COL4A5: variants seen among roughly 807,000 people sequenced by gnomAD.
The protein encoded by COL4A5 is collagen type IV alpha 5 chain.
A neutral mutation model predicts 130.2 loss-of-function variants in COL4A5; 26 were observed. The ratio of observed to expected loss-of-function variants is 0.20; its 90% CI spans 0.15 to 0.28. The LOEUF (loss-of-function observed/expected upper bound fraction) is 0.28. COL4A5 is among the 10% of genes least tolerant of loss of function. COL4A5 has a pLI of 1.00. For missense variants in COL4A5, 1,131 were observed against 1,344.3 expected (o/e 0.84, Z 2.48); for synonymous variants, 496 against 439.6 (o/e 1.13, Z -1.60).
At chrX:108,485,931 G>A (rs2064940562) in intron 1 of COL4A5, among the ~76,000 whole-genome samples, 1 of 111,311 alleles carries the variant, frequency 9.0e-6, no homozygotes, top group African/African-American at 3.3e-5. Context: ...TTTATTTAAT[G>A]TCCCAGAGCA....
intron 22 of COL4A5, among the ~76,000 whole-genome samples, chrX:108,596,385 C>T (rs2066517754): frequency 8.9e-6 from 1 of 112,221 alleles, no homozygotes; most frequent in African/African-American, 3.2e-5. Context: ...AATGCTGAGC[C>T]TCACTCTCAA....
chrX:108,608,168 C>T (rs1463244088), intron 29 of COL4A5, among the ~76,000 whole-genome samples: 1 of 111,734 alleles, frequency 8.9e-6, no homozygotes, highest in Non-Finnish European at 1.9e-5. Flanking sequence ...ATTTACACTC[C>T]ACCCACAATG....
chrX:108,587,697 C>T (rs1316576304), intron 19 of COL4A5, among the ~76,000 whole-genome samples: 2 of 111,478 alleles, frequency 1.8e-5, no homozygotes, highest in Non-Finnish European at 3.8e-5. Context: ...AACCTCCATA[C>T]TTTTTTTCAT....
intron 44 of COL4A5, among the ~76,000 whole-genome samples, chrX:108,679,742 ATTGT>A (rs200581720): frequency 0.091 from 10,076 of 110,334 alleles, 1,075 homozygotes; most frequent in African/African-American, 0.3. Context: ...AGGGGGGATG[ATTGT>A]TTGAGCCTAG....
intron 1 of COL4A5, among the ~76,000 whole-genome samples, chrX:108,513,629 G>A (rs921240303): frequency 9.0e-6 from 1 of 111,123 alleles, no homozygotes; most frequent in Admixed American, 9.6e-5. Flanking sequence ...TTATATCTTG[G>A]ATACCAGTTT....
intron 47 of COL4A5, among the ~76,000 whole-genome samples, chrX:108,682,701 T>G (rs1313959957): frequency 8.9e-6 from 1 of 112,139 alleles, no homozygotes; most frequent in Non-Finnish European, 1.9e-5. Context: ...TTTTGAGAAG[T>G]GTCTGTTCAT....
chrX:108,680,862 A>C, intron 45 of COL4A5, 23 bp from the exon 46 acceptor site: 1 of 1,206,179 alleles, frequency 8.3e-7, no homozygotes, highest in Non-Finnish European at 1.1e-6. Flanking sequence ...TTTGCCATAA[A>C]ACTGTATGTA....
intron 43 of COL4A5, among the ~76,000 whole-genome samples, chrX:108,676,493 AAC>A (rs2068304866): frequency 8.9e-6 from 1 of 111,999 alleles, no homozygotes; most frequent in South Asian, 3.7e-4. Context: ...AGAAATTAAA[AAC>A]ACAGCAAAAG....
chrX:108,598,735 C>A lies in COL4A5; in HGVS notation c.1813C>A (p.Pro605Thr), dbSNP rs781016371. ...TACTTTTAAGGGTGAAAGAGGTCCCCCTGGGAACCCAGGTTTACCAGGCCT... is the reference window on the plus strand; with the variant it reads ...TACTTTTAAGGGTGAAAGAGGTCCCACTGGGAACCCAGGTTTACCAGGCCT... Reference protein sequence around the residue: ...GITFKGERGPPGNPGLPGLPG... With the variant: ...GITFKGERGPTGNPGLPGLPG... Residue 605 changes from proline (P) to threonine (T), a missense_variant, in exon 25 of 53, where the codon CCT (proline) becomes ACT (threonine). Transcript: ENST00000328300. 15 of 1,210,886 alleles carry A rather than the reference C, an allele frequency of 1.2e-5. No individual in the cohort carries two copies. In the Admixed American group the frequency reaches 3.3e-4, roughly 26 times the overall value.
In COL4A5 at chrX:108,591,592, C is replaced by T; in HGVS notation, c.1371C>T (p.Gly457=). The change falls in exon 21 of 53, where the codon GGC becomes GGT. Residue 457 remains glycine, a synonymous_variant. Transcript: ENST00000328300. ...AGATATGTGAACCAGGCCCTCCAGGCCCCCCAGGATCTCCAGGTGATAAAG... is the reference window on the plus strand; with the variant it reads ...AGATATGTGAACCAGGCCCTCCAGGTCCCCCAGGATCTCCAGGTGATAAAG... ...SDEICEPGPP[G]PPGSPGDKGL... is the part of the protein sequence containing the mutation. 1.7e-6 allele frequency: 2 copies of T among 1,207,431 alleles called. No homozygotes were observed. The highest frequency in any genetic ancestry group is 2.2e-6 in the Non-Finnish European group (2 of 891,731).
chrX:108,527,484 T>C (rs2065338327), intron 1 of COL4A5, among the ~76,000 whole-genome samples: 1 of 112,021 alleles, frequency 8.9e-6, no homozygotes, highest in Non-Finnish European at 1.9e-5. Flanking sequence ...TTCAATTCTA[T>C]ATTTTAAATG....
chrX:108,482,589 A>C (rs2064903107), intron 1 of COL4A5, among the ~76,000 whole-genome samples: 1 of 111,514 alleles, frequency 9.0e-6, no homozygotes, highest in Non-Finnish European at 1.9e-5. Context: ...TCCCCATTCC[A>C]AGTTGCAGGG....
chrX:108,634,216 A>AAG lies in COL4A5; in HGVS notation c.3246+7868_3246+7869insGA, dbSNP rs1469753298. On this transcript the variant is annotated intron_variant, in intron 36 of 52. Coordinates refer to ENST00000328300, the MANE Select transcript of COL4A5 (RefSeq NM_033380.3). The stretch of plus-strand genomic sequence containing the variant: ...GCCAACAAAGAAGAAAGTGCAACAA[A>AAG]AAAAAAAAAAAAGGAAAGTGATAGC... 1.8e-3 allele frequency among the ~76,000 whole-genome samples: 198 copies of AAG among 109,372 alleles called. 1 individual carries two copies. The highest frequency in any genetic ancestry group is 6.1e-3 in the African/African-American group (184 of 30,375). The allele number at this position is 109,372 out of a possible 115,157, so 95.0% of individuals were successfully genotyped here.
chrX:108,445,427 G>A (rs893982574), intron 1 of COL4A5, among the ~76,000 whole-genome samples: 5 of 111,831 alleles, frequency 4.5e-5, no homozygotes, highest in Non-Finnish European at 5.6e-5. Context: ...TATTTATGCT[G>A]TTCTATTTCT....
intron 1 of COL4A5, among the ~76,000 whole-genome samples, chrX:108,468,974 A>G (rs1244013547): frequency 9.0e-6 from 1 of 110,924 alleles, no homozygotes; most frequent in Non-Finnish European, 1.9e-5. Flanking sequence ...GAAGCTATCT[A>G]GCTATGGACT....
rs766864167 is a variant in COL4A5 at position 108,456,552 on chromosome X, T to A, written c.81+16346T>A. On this transcript the variant is annotated intron_variant, in intron 1 of 52. Coordinates refer to ENST00000328300, the MANE Select transcript of COL4A5 (RefSeq NM_033380.3). ...TTCCTTTCCATTACCTATGTCTTTTTGTCCTGGCTATCTTATTGCACTGGC... is the reference window on the plus strand; with the variant it reads ...TTCCTTTCCATTACCTATGTCTTTTAGTCCTGGCTATCTTATTGCACTGGC... Among the ~76,000 whole-genome samples, 6 of 111,940 alleles carry A rather than the reference T, an allele frequency of 5.4e-5. No homozygotes were observed. The South Asian group carries it at 2.2e-3, about 42-fold the overall frequency.
intron 4 of COL4A5, among the ~76,000 whole-genome samples, chrX:108,567,857 A>G (rs2065997973): frequency 1.8e-5 from 2 of 111,620 alleles, no homozygotes; most frequent in Admixed American, 1.9e-4. Context: ...CTCCCACAAC[A>G]CGTGGGAATT....
intron 2 of COL4A5, among the ~76,000 whole-genome samples, chrX:108,557,657 AC>A (rs1378087274): frequency 4.6e-5 from 5 of 109,454 alleles, no homozygotes; most frequent in African/African-American, 1.7e-4. Flanking sequence ...ACACACACAC[AC>A]TTTCAGAGTA....
intron 1 of COL4A5, among the ~76,000 whole-genome samples, chrX:108,482,653 C>T (rs1162468027): frequency 1.8e-5 from 2 of 111,796 alleles, no homozygotes; most frequent in Non-Finnish European, 3.8e-5. Flanking sequence ...CCTGGAGAGG[C>T]TGTGCATGCA....
Sources: gnomAD v4.1 joint callset for allele counts (sites outside exome capture counted in the v4.1 genomes callset) on GRCh38, gnomAD v4.1.1 for gene constraint, MANE v1.5 for transcripts, NCBI Gene and HGNC (gene_info 2026-07-23, HGNC 2026-07-21) for gene names.